Variants in HCK observed in about 807,000 individuals in gnomAD.
HCK encodes HCK proto-oncogene, Src family tyrosine kinase.
Under a neutral mutation model 70.4 loss-of-function variants are expected in HCK, and 40 were observed. The ratio of observed to expected loss-of-function variants is 0.57; its 90% CI spans 0.44 to 0.74. The LOEUF (loss-of-function observed/expected upper bound fraction) is 0.74. HCK is among the 30% of genes least tolerant of loss of function. The probability of loss-of-function intolerance (pLI) is 0.00; values close to 1 mark genes in which losing one functional copy is unlikely to be tolerated. For synonymous variants in HCK, 245 were observed against 263.2 expected (o/e 0.93, Z 0.67); for missense variants, 568 against 697.2 (o/e 0.81, Z 2.09).
At chr20:32,085,249 A>G (rs552283374) in intron 8 of HCK, among the ~76,000 whole-genome samples, 2 of 152,352 alleles carry the variant, frequency 1.3e-5, no homozygotes, top group East Asian at 3.9e-4. Context: ...ACAGTGGCTC[A>G]CGCCTGTAAT....
At chr20:32,075,336 A>C (rs2045606598) in intron 5 of HCK, among the ~76,000 whole-genome samples, 1 of 151,916 alleles carries the variant, frequency 6.6e-6, no homozygotes. Context: ...TGGGACTACA[A>C]GTGCGCATCA....
intron 1 of HCK, among the ~76,000 whole-genome samples, chr20:32,068,016 G>T (rs887811655): frequency 1.3e-5 from 2 of 151,842 alleles, no homozygotes; most frequent in South Asian, 4.2e-4. Context: ...TGAAAAATAG[G>T]CCAGGCGCAG....
At chr20:32,090,872 C>A (rs919824323) in intron 10 of HCK, among the ~76,000 whole-genome samples, 2 of 152,176 alleles carry the variant, frequency 1.3e-5, no homozygotes, top group Admixed American at 1.3e-4. Context: ...TAGCCTCAAG[C>A]AAGTTGCTTA....
intron 6 of HCK, among the ~76,000 whole-genome samples, chr20:32,082,816 T>C (rs1444347452): frequency 1.3e-5 from 2 of 152,092 alleles, no homozygotes; most frequent in African/African-American, 4.8e-5. Context: ...TATGTGATAA[T>C]ATAGGGTGGT....
At chr20:32,082,327 C>T (rs760349590) in intron 6 of HCK, among the ~76,000 whole-genome samples, 4 of 151,976 alleles carry the variant, frequency 2.6e-5, no homozygotes, top group Non-Finnish European at 5.9e-5. Context: ...CTGGCATGTA[C>T]GGTAAGCTAT....
At chr20:32,089,346 A>G (rs929584634) in intron 10 of HCK, among the ~76,000 whole-genome samples, 1 of 152,264 alleles carries the variant, frequency 6.6e-6, no homozygotes, top group African/African-American at 2.4e-5. Context: ...ATTGAAGCAT[A>G]GAGCAGAAGT....
chr20:32,074,661 G>A lies in HCK; in HGVS notation c.368G>A (p.Arg123Gln), dbSNP rs182852728. The A allele has an allele frequency of 5.1e-5, 82 of 1,614,036 alleles. No individual in the cohort carries two copies. In the Admixed American group the frequency reaches 5.2e-4, roughly 10 times the overall value. The stretch of plus-strand genomic sequence containing the variant: ...TGGAAGGCTCGATCCCTGGCCACCC[G>A]GAAGGAGGGCTACATCCCAAGCAAC... The change falls in exon 5 of 13, where the codon CGG (arginine) becomes CAG (glutamine). Residue 123 changes from arginine to glutamine, a missense_variant. Transcript: ENST00000375852.
Position 32,052,390 on chromosome 20 carries a change from G to T in HCK, c.-35G>T, listed in dbSNP as rs541443092. 7 of 1,280,980 alleles carry T rather than the reference G, an allele frequency of 5.5e-6. No homozygotes were observed. In the East Asian group the frequency reaches 1.3e-4, roughly 23 times the overall value. 79.4% of individuals were successfully genotyped at this position (1,280,980 alleles called of 1,614,324 possible). On this transcript the variant is annotated 5_prime_UTR_variant, in exon 1 of 13. Transcript: ENST00000375852. ...TCTAGTTCTAGAAAGTCAGTTTCCC[G>T]GCACTGGCACCCCGGAACCTCAGGG...
intron 1 of HCK, chr20:32,069,837 AC>A: frequency 1.1e-6 from 1 of 947,272 alleles, no homozygotes; most frequent in Non-Finnish European, 1.4e-6. Context: ...TTTTCCTTAA[AC>A]CACAAATACA....
chr20:32,074,124 C>T (rs2045586368), intron 4 of HCK, among the ~76,000 whole-genome samples: 1 of 152,142 alleles, frequency 6.6e-6, no homozygotes, highest in Non-Finnish European at 1.5e-5. Flanking sequence ...ATCGAGTCGA[C>T]CTTGCATTTG....
intron 11 of HCK, among the ~76,000 whole-genome samples, chr20:32,097,241 C>T (rs2122634567): frequency 6.6e-6 from 1 of 151,824 alleles, no homozygotes; most frequent in South Asian, 2.1e-4. Context: ...GATCATGTCA[C>T]TGCACTCCAG....
intron 11 of HCK, among the ~76,000 whole-genome samples, chr20:32,095,857 A>ATATTTATTTATT (rs142126874): frequency 1.2e-4 from 18 of 147,240 alleles, no homozygotes; most frequent in Middle Eastern, 7.0e-3. Context: ...TGTTAGCCTA[A>ATATTTATTTATT]TATTTATTTA....
chr20:32,060,043 G>T (rs1425637763), intron 1 of HCK, among the ~76,000 whole-genome samples: 1 of 152,076 alleles, frequency 6.6e-6, no homozygotes, highest in African/African-American at 2.4e-5. Flanking sequence ...CAGTACCACG[G>T]CAGGTTAAAG....
intron 10 of HCK, among the ~76,000 whole-genome samples, chr20:32,092,535 G>C (rs926688): frequency 6.6e-6 from 1 of 151,906 alleles, no homozygotes; most frequent in Non-Finnish European, 1.5e-5. Context: ...CAGTCTGTTA[G>C]TCACTCAGCA....
intron 1 of HCK, among the ~76,000 whole-genome samples, chr20:32,060,983 G>C (rs1024122083): frequency 6.6e-6 from 1 of 151,726 alleles, no homozygotes; most frequent in Non-Finnish European, 1.5e-5. Flanking sequence ...TTGTTGTTCT[G>C]TTTTATTTTG....
rs566329756 is a variant in HCK, at chr20:32,080,488, C to T, written c.532+611C>T. 1.5e-3 allele frequency among the ~76,000 whole-genome samples: 225 copies of T among 152,122 alleles called. 1 individual carries two copies. Among genetic ancestry groups the T allele is most frequent in the African/African-American group, 5.2e-3 (214 of 41,502 alleles). On this transcript the variant is annotated intron_variant, in intron 6 of 12. Coordinates refer to ENST00000375852, the MANE Select transcript of HCK (RefSeq NM_002110.5). ...CTGAGATTACAGGCGTGAGCCACTG[C>T]GCCTGGCCTGTTTTGTTTTGTTTGA...
At chr20:32,058,473 G>A (rs2045308245) in intron 1 of HCK, among the ~76,000 whole-genome samples, 2 of 151,014 alleles carry the variant, frequency 1.3e-5, no homozygotes, top group Admixed American at 1.3e-4. Context: ...CACGGTTGCA[G>A]TGAGCCAAGG....
chr20:32,094,705 A>AAAAGAAAGAAAGAAAGAAAGAAAG (rs71185377), intron 11 of HCK, among the ~76,000 whole-genome samples: 1 of 74,890 alleles, frequency 1.3e-5, no homozygotes, highest in African/African-American at 7.8e-5. Context: ...AAAAGAAAAG[A>AAAAGAAAGAAAGAAAGAAAGAAAG]AAAGAAAGAA....
chr20:32,080,228 C>G (rs1471767541), intron 6 of HCK, among the ~76,000 whole-genome samples: 1 of 152,206 alleles, frequency 6.6e-6, no homozygotes, highest in Non-Finnish European at 1.5e-5. Context: ...GAGATGGAGT[C>G]TCACTCTGTC....
Sources: gnomAD v4.1 joint callset for allele counts (sites outside exome capture counted in the v4.1 genomes callset) on GRCh38, gnomAD v4.1.1 for gene constraint, MANE v1.5 for transcripts, NCBI Gene and HGNC (gene_info 2026-07-23, HGNC 2026-07-21) for gene names.